The following PTPN4 variants were observed in gnomAD, a reference collection of about 807,000 sequenced individuals.
The protein encoded by PTPN4 is protein tyrosine phosphatase non-receptor type 4.
Under a neutral mutation model 135.5 loss-of-function variants are expected in PTPN4, and 49 were observed. The observed-to-expected ratio is 0.36, with a 90% CI of 0.29 to 0.46. The LOEUF (loss-of-function observed/expected upper bound fraction) is 0.46, where lower values mean the gene tolerates loss of function less well. PTPN4 is among the 20% of genes least tolerant of loss of function. The pLI is 1.00. For synonymous variants in PTPN4, 333 were observed against 369.9 expected, an observed-to-expected ratio of 0.90 and a Z score of 1.14; for missense variants, 860 against 1,101.0, an observed-to-expected ratio of 0.78 and a Z score of 3.10.
In PTPN4 at chr2:119,773,489, G is replaced by A. The variant is rs1203209728; in HGVS notation, c.-18+13105G>A. 3.9e-5 allele frequency among the ~76,000 whole-genome samples: 6 copies of A among 152,002 alleles called. No individual in the cohort carries two copies. The East Asian group carries it at 1.2e-3, about 29-fold the overall frequency. On this transcript the variant is annotated intron_variant, in intron 1 of 26. Transcript: ENST00000263708. ...GCGGTGGCTCATGCCTGTAATCCCA[G>A]CTCTTTGGGAGGTCAAGGCAGGTGG...
At chr2:119,774,502 T>C (rs970116601) in intron 1 of PTPN4, among the ~76,000 whole-genome samples, 46 of 152,340 alleles carry the variant, frequency 3.0e-4, no homozygotes, top group African/African-American at 8.2e-4. Flanking sequence ...TTTATATTAG[T>C]GCAGGATTGC....
intron 19 of PTPN4, among the ~76,000 whole-genome samples, chr2:119,954,065 G>C (rs1459870261): frequency 6.6e-6 from 1 of 152,156 alleles, no homozygotes; most frequent in South Asian, 2.1e-4. Context: ...ATTTAAAACT[G>C]TGTTTGCCAA....
intron 12 of PTPN4, among the ~76,000 whole-genome samples, chr2:119,920,945 G>A (rs1022667940): frequency 6.6e-6 from 1 of 151,528 alleles, no homozygotes; most frequent in Non-Finnish European, 1.5e-5. Context: ...ATTCATTCTT[G>A]TTTGTTTATG....
At chr2:119,891,302 TAC>T (rs1309829325) in intron 9 of PTPN4, among the ~76,000 whole-genome samples, 6 of 152,158 alleles carry the variant, frequency 3.9e-5, no homozygotes, top group Non-Finnish European at 7.4e-5. Context: ...CAGTGAATTC[TAC>T]AGTTTCAGTT....
chr2:119,962,784 T>C lies in PTPN4; in HGVS notation c.2409+40T>C, dbSNP rs1300888787. 2.8e-6 allele frequency: 4 copies of C among 1,430,878 alleles called. No homozygotes were observed. In the African/African-American group the frequency reaches 5.7e-5, roughly 20 times the overall value. 88.6% of individuals were successfully genotyped at this position (1,430,878 alleles called of 1,614,324 possible). ...TATCTGTTCATTAGAACTGTTGTGT[T>C]CAGGGTAAAGACTGAAAGCTGAAAA... is the stretch of plus-strand genomic sequence containing the variant. On this transcript the variant is annotated intron_variant, in intron 24 of 26. Coordinates refer to ENST00000263708, the MANE Select transcript of PTPN4 (RefSeq NM_002830.4).
At chr2:119,817,660 C>T (rs1157803294) in intron 2 of PTPN4, among the ~76,000 whole-genome samples, 1 of 152,036 alleles carries the variant, frequency 6.6e-6, no homozygotes, top group Non-Finnish European at 1.5e-5. Flanking sequence ...TCTTCTTCGG[C>T]TTCATATGAA....
At chr2:119,944,731 T>C (rs939625581) in intron 15 of PTPN4, among the ~76,000 whole-genome samples, 1 of 152,182 alleles carries the variant, frequency 6.6e-6, no homozygotes, top group Non-Finnish European at 1.5e-5. Flanking sequence ...TACCCAATTA[T>C]CAGTTCTGGA....
intron 2 of PTPN4, among the ~76,000 whole-genome samples, chr2:119,825,735 A>G (rs1487274062): frequency 6.6e-6 from 1 of 151,956 alleles, no homozygotes; most frequent in African/African-American, 2.4e-5. Flanking sequence ...ACCTCAAGAG[A>G]TCCACCCACC....
intron 2 of PTPN4, among the ~76,000 whole-genome samples, chr2:119,844,284 C>G (rs1316065203): frequency 8.8e-6 from 1 of 114,094 alleles, no homozygotes; most frequent in Non-Finnish European, 1.9e-5. Flanking sequence ...GGAGGGCTCA[C>G]CCCCCCACCT....
intron 1 of PTPN4, among the ~76,000 whole-genome samples, chr2:119,802,360 T>C (rs1691393686): frequency 6.6e-6 from 1 of 152,228 alleles, no homozygotes; most frequent in South Asian, 2.1e-4. Context: ...TTTTTGTAGA[T>C]GCTTTTTATT....
rs576451578 is a variant in PTPN4, at chr2:119,776,052, G to A, written c.-18+15668G>A. On this transcript the variant is annotated intron_variant, in intron 1 of 26. Coordinates refer to ENST00000263708, the MANE Select transcript of PTPN4 (RefSeq NM_002830.4). ...TAAATTAACTATAGACAGTCTGGCAGAAGGGTTCCACTTATTCAAGACTGC... is the reference window on the plus strand; with the variant it reads ...TAAATTAACTATAGACAGTCTGGCAAAAGGGTTCCACTTATTCAAGACTGC... Among the ~76,000 whole-genome samples, 8 of 152,320 alleles carry A rather than the reference G, an allele frequency of 5.3e-5. No individual in the cohort carries two copies. The South Asian group carries it at 1.7e-3, about 32-fold the overall frequency.
intron 1 of PTPN4, among the ~76,000 whole-genome samples, chr2:119,770,287 AG>A (rs1690709995): frequency 6.6e-6 from 1 of 152,262 alleles, no homozygotes; most frequent in African/African-American, 2.4e-5. Flanking sequence ...AAATAAGTAC[AG>A]ATAAGTCAAT....
intron 15 of PTPN4, among the ~76,000 whole-genome samples, chr2:119,936,156 C>G (rs560295842): frequency 1.3e-5 from 2 of 152,102 alleles, no homozygotes; most frequent in Non-Finnish European, 2.9e-5. Context: ...GCGCCAGCCA[C>G]CACTCCCGGC....
At chr2:119,774,636 T>C (rs960732399) in intron 1 of PTPN4, among the ~76,000 whole-genome samples, 1 of 152,086 alleles carries the variant, frequency 6.6e-6, no homozygotes, top group Non-Finnish European at 1.5e-5. Context: ...AATCCAAGGA[T>C]GGTTTGATAG....
chr2:119,840,811 G>A (rs1274270765), intron 2 of PTPN4, among the ~76,000 whole-genome samples: 3 of 152,134 alleles, frequency 2.0e-5, no homozygotes, highest in African/African-American at 7.2e-5. Flanking sequence ...TCTCATTGTG[G>A]TTTTGATTTG....
intron 1 of PTPN4, among the ~76,000 whole-genome samples, chr2:119,775,055 T>G (rs918781445): frequency 1.8e-4 from 22 of 124,546 alleles, no homozygotes; most frequent in Admixed American, 4.8e-4. Flanking sequence ...AAAAGATATC[T>G]GCCTAACAGG....
Position 119,978,485 on chromosome 2 carries a change from A to G in PTPN4, c.*1415A>G, listed in dbSNP as rs1679649407. 6.6e-6 allele frequency: 1 copy of G among 152,152 alleles called. No homozygotes were observed. The highest frequency in any genetic ancestry group is 1.5e-5 in the Non-Finnish European group (1 of 67,986). The allele number at this position is 152,152 out of a possible 1,614,324, so 9.4% of individuals were successfully genotyped here. A position where few individuals can be genotyped will look rare whatever the true frequency, so the allele number is the denominator to read the frequency against. On this transcript the variant is annotated 3_prime_UTR_variant, in exon 27 of 27. Coordinates refer to ENST00000263708, the MANE Select transcript of PTPN4 (RefSeq NM_002830.4). Reference sequence around the variant, plus strand: ...TTTTATATATACTTATTAAGTTATAAGCATGTTAATAAGGAGACTTTTGAC... The same window carrying G: ...TTTTATATATACTTATTAAGTTATAGGCATGTTAATAAGGAGACTTTTGAC...
chr2:119,850,515 G>A (rs529279241), intron 2 of PTPN4, among the ~76,000 whole-genome samples: 2 of 152,304 alleles, frequency 1.3e-5, no homozygotes, highest in South Asian at 2.1e-4. Flanking sequence ...AAGTGCTGGT[G>A]GTCTGCCTCT....
chr2:119,883,124 C>T (rs1678104817), intron 8 of PTPN4, among the ~76,000 whole-genome samples: 2 of 152,102 alleles, frequency 1.3e-5, no homozygotes. Flanking sequence ...TTTTTGAGCA[C>T]TGACATTACA....
Sources: gnomAD v4.1 joint callset for allele counts (sites outside exome capture counted in the v4.1 genomes callset) on GRCh38, gnomAD v4.1.1 for gene constraint, MANE v1.5 for transcripts, NCBI Gene and HGNC (gene_info 2026-07-23, HGNC 2026-07-21) for gene names.